Variants in SLC25A48 observed in about 807,000 individuals in gnomAD.
SLC25A48 encodes the protein solute carrier family 25 member 48.
In SLC25A48, 29 loss-of-function variants were observed where a neutral mutation model predicts 32.2. The ratio of observed to expected loss-of-function variants is 0.90; its 90% confidence interval spans 0.67 to 1.23. SLC25A48 has a LOEUF of 1.23. Ranked by LOEUF, SLC25A48 falls within the 50% of genes most tolerant of loss-of-function variation. SLC25A48 has a pLI of 0.00. For synonymous variants in SLC25A48, 164 were observed against 172.3 expected, an observed-to-expected ratio of 0.95 and a Z score of 0.38; for missense variants, 399 against 422.7, an observed-to-expected ratio of 0.94 and a Z score of 0.49.
chr5:135,795,072 G>T (rs1757134746), intron 3 of SLC25A48, among the ~76,000 whole-genome samples: 1 of 151,730 alleles, frequency 6.6e-6, no homozygotes, highest in Non-Finnish European at 1.5e-5. Flanking sequence ...CAGGAGAGAA[G>T]AGGATATTAC....
chr5:135,723,378 T>TCACACACA (rs1444066866), intron 3 of SLC25A48, among the ~76,000 whole-genome samples: 2,626 of 54,186 alleles, frequency 0.048, 25 homozygotes, highest in Non-Finnish European at 0.1. Flanking sequence ...TCTCTCTCTC[T>TCACACACA]CTCACACACA....
intron 4 of SLC25A48, chr5:135,824,651 C>T (rs1486412693): frequency 1.3e-5 from 2 of 152,228 alleles, no homozygotes; most frequent in Non-Finnish European, 2.9e-5. Flanking sequence ...TCCAGGAGGA[C>T]TCAGAACTGC....
chr5:135,738,462 G>C (rs917288020), intron 3 of SLC25A48, among the ~76,000 whole-genome samples: 6 of 152,106 alleles, frequency 3.9e-5, no homozygotes, highest in African/African-American at 1.4e-4. Flanking sequence ...ATTTGCTGCA[G>C]AAGGTGGAGG....
chr5:135,860,855 C>T (rs984479003), intron 4 of SLC25A48, among the ~76,000 whole-genome samples: 2 of 152,170 alleles, frequency 1.3e-5, no homozygotes, highest in African/African-American at 4.8e-5. Context: ...CACTCACATA[C>T]GGAAGCCAGG....
At chr5:135,694,631 T>C (rs985908164) in intron 3 of SLC25A48, among the ~76,000 whole-genome samples, 12 of 152,254 alleles carry the variant, frequency 7.9e-5, no homozygotes, top group South Asian at 2.1e-4. Context: ...GAATCTTGCC[T>C]GTCACTCAGG....
chr5:135,690,566 CA>C (rs2126957686), intron 3 of SLC25A48, among the ~76,000 whole-genome samples: 1 of 152,320 alleles, frequency 6.6e-6, no homozygotes, highest in Admixed American at 6.5e-5. Context: ...CTATGATTTG[CA>C]GCCCCCACCT....
At chr5:135,604,136 G>A (rs1236434414) in intron 1 of SLC25A48, among the ~76,000 whole-genome samples, 2 of 151,432 alleles carry the variant, frequency 1.3e-5, no homozygotes, top group Non-Finnish European at 2.9e-5. Flanking sequence ...AGAAAACAGA[G>A]GTTTAGCAAG....
At chr5:135,776,861 CT>C (rs1180209773) in intron 3 of SLC25A48, among the ~76,000 whole-genome samples, 1 of 151,848 alleles carries the variant, frequency 6.6e-6, no homozygotes, top group Non-Finnish European at 1.5e-5. Flanking sequence ...ATACAAACCC[CT>C]GTAATGTTGT....
At chr5:135,734,455 C>T (rs1755302651) in intron 3 of SLC25A48, among the ~76,000 whole-genome samples, 2 of 151,966 alleles carry the variant, frequency 1.3e-5, no homozygotes, top group Non-Finnish European at 2.9e-5. Context: ...GCTGTCAATA[C>T]CCGCAACAGT....
At chr5:135,716,250 G>A (rs915380114) in intron 3 of SLC25A48, among the ~76,000 whole-genome samples, 1 of 152,234 alleles carries the variant, frequency 6.6e-6, no homozygotes, top group Non-Finnish European at 1.5e-5. Flanking sequence ...TCAGGGAAGA[G>A]AAGCAAAACT....
rs1256372016 is a variant in SLC25A48, at chr5:135,812,927, G to A, written c.-117+1G>A. The A allele has an allele frequency of 6.6e-6, 1 of 152,600 alleles. No homozygotes were observed. The highest frequency in any genetic ancestry group is 1.9e-4 in the East Asian group (1 of 5,196). The allele number at this position is 152,600 out of a possible 1,614,324, so 9.5% of individuals were successfully genotyped here. On this transcript the variant is annotated splice_donor_variant, in intron 4 of 10. Coordinates refer to the SLC25A48 transcript ENST00000646290. LOFTEE classifies it low-confidence loss of function (5UTR_SPLICE). The stretch of plus-strand genomic sequence containing the variant: ...GCAGTGTGCTGTGAAAAAGTTAAAG[G>A]TGAGTGCCAGCTGCAGGTGGAGAAG...
At chr5:135,768,024 A>G (rs2126605270) in intron 3 of SLC25A48, among the ~76,000 whole-genome samples, 1 of 140,060 alleles carries the variant, frequency 7.1e-6, no homozygotes, top group Non-Finnish European at 1.6e-5. Flanking sequence ...GATAATGTTC[A>G]TAATATCAAG....
intron 3 of SLC25A48, chr5:135,652,270 T>C (rs1753134007): frequency 4.8e-6 from 2 of 414,728 alleles, no homozygotes; most frequent in Non-Finnish European, 9.7e-6. Flanking sequence ...TGGTGGCAGA[T>C]TGATTACAAT....
chr5:135,672,369 C>A (rs1753677154), intron 3 of SLC25A48, among the ~76,000 whole-genome samples: 1 of 152,186 alleles, frequency 6.6e-6, no homozygotes, highest in Non-Finnish European at 1.5e-5. Flanking sequence ...GTGCAGCTGT[C>A]ATCGGTGCCT....
At chr5:135,777,443 C>T (rs1458756263) in intron 3 of SLC25A48, among the ~76,000 whole-genome samples, 5 of 151,596 alleles carry the variant, frequency 3.3e-5, no homozygotes, top group South Asian at 2.1e-4. Flanking sequence ...CTCCCAATAT[C>T]TCAGTAAGTG....
Position 135,635,496 on chromosome 5 carries a change from G to A in SLC25A48, c.-521+540G>A, listed in dbSNP as rs530805075. 3.9e-5 allele frequency among the ~76,000 whole-genome samples: 6 copies of A among 152,282 alleles called. No homozygotes were observed. The East Asian group carries it at 9.6e-4, about 24-fold the overall frequency. The stretch of plus-strand genomic sequence containing the variant: ...GGATAAGAGATGTTTTGAAACCTTG[G>A]CACTAGAGGAGCCTTAGAGGTTATC... On this transcript the variant is annotated intron_variant, in intron 3 of 10. Transcript: ENST00000646290.
At chr5:135,678,286 T>C (rs924094377) in intron 3 of SLC25A48, among the ~76,000 whole-genome samples, 4 of 152,204 alleles carry the variant, frequency 2.6e-5, no homozygotes, top group African/African-American at 9.6e-5. Context: ...TGAAATGTTT[T>C]TATTCTGATT....
intron 3 of SLC25A48, among the ~76,000 whole-genome samples, chr5:135,773,391 A>G (rs906917698): frequency 6.7e-6 from 1 of 149,770 alleles, no homozygotes; most frequent in African/African-American, 2.5e-5. Flanking sequence ...CCCCTGTGAC[A>G]ATATCATAAA....
At chr5:135,771,586 G>C (rs1351793631) in intron 3 of SLC25A48, among the ~76,000 whole-genome samples, 1 of 151,372 alleles carries the variant, frequency 6.6e-6, no homozygotes, top group South Asian at 2.1e-4. Flanking sequence ...CTAATATCTA[G>C]GGGGGAAGAG....
Sources: allele counts gnomAD v4.1 joint callset (sites outside exome capture counted in the v4.1 genomes callset), GRCh38; gene constraint gnomAD v4.1.1; transcripts MANE v1.5; gene names NCBI Gene and HGNC (gene_info 2026-07-23, HGNC 2026-07-21).